DOCK10: variants seen among roughly 807,000 people sequenced by gnomAD.
DOCK10 encodes the protein dedicator of cytokinesis protein 10.
In DOCK10, 145 loss-of-function variants were observed where a neutral mutation model predicts 280.1. The ratio of observed to expected loss-of-function variants is 0.52; its 90% CI spans 0.45 to 0.59. The LOEUF is 0.59. Ranked by LOEUF, DOCK10 falls within the 20% of genes least tolerant of loss-of-function variation. DOCK10 has a pLI of 0.00. For missense variants in DOCK10, 2,368 were observed against 2,651.7 expected, an observed-to-expected ratio of 0.89 and a Z score of 2.35; for synonymous variants, 915 against 942.2, an observed-to-expected ratio of 0.97 and a Z score of 0.53.
intron 11 of DOCK10, among the ~76,000 whole-genome samples, chr2:224,865,853 T>TCACA (rs200332953): frequency 5.5e-5 from 8 of 145,654 alleles, no homozygotes; most frequent in African/African-American, 2.2e-4. Flanking sequence ...TCTCTCTCTC[T>TCACA]CTCACACACA....
intron 29 of DOCK10, among the ~76,000 whole-genome samples, chr2:224,819,098 G>T (rs1168137506): frequency 1.3e-5 from 2 of 152,216 alleles, no homozygotes; most frequent in Admixed American, 6.5e-5. Flanking sequence ...GTCCCATTTT[G>T]CCCAGGACTT....
At chr2:224,905,465 G>T (rs1700567578) in intron 3 of DOCK10, among the ~76,000 whole-genome samples, 2 of 151,556 alleles carry the variant, frequency 1.3e-5, no homozygotes, top group African/African-American at 4.9e-5. Context: ...TAGCCAGGAT[G>T]GTCTCGATCT....
chr2:224,984,247 G>A (rs1705897482), intron 1 of DOCK10, among the ~76,000 whole-genome samples: 3 of 152,368 alleles, frequency 2.0e-5, no homozygotes, highest in African/African-American at 7.2e-5. Context: ...AGAAACTGGA[G>A]AGAGAAGACA....
At chr2:224,976,745 G>A (rs1048221823) in intron 1 of DOCK10, among the ~76,000 whole-genome samples, 14 of 151,622 alleles carry the variant, frequency 9.2e-5, no homozygotes, top group Non-Finnish European at 1.6e-4. Flanking sequence ...ACAGGGGTCA[G>A]TAAGCATTTT....
intron 1 of DOCK10, among the ~76,000 whole-genome samples, chr2:224,967,290 CAGG>C (rs201221092): frequency 0.017 from 2,527 of 152,210 alleles, 66 homozygotes; most frequent in African/African-American, 0.056. Flanking sequence ...CCGTGTTAGT[CAGG>C]ATGGTCTTTA....
chr2:225,041,884 C>G (rs934529962), intron 1 of DOCK10, among the ~76,000 whole-genome samples: 1 of 152,172 alleles, frequency 6.6e-6, no homozygotes, highest in African/African-American at 2.4e-5. Context: ...GTAGATCCCC[C>G]CACCCCACCC....
intron 5 of DOCK10, 100 bp from the exon 6 acceptor site, chr2:224,886,285 T>A (rs957123060): frequency 6.5e-7 from 1 of 1,542,878 alleles, no homozygotes; most frequent in African/African-American, 1.4e-5. Context: ...CTTTGACTCA[T>A]CTTAAATAAG....
At chr2:224,988,500 G>A (rs1425845385) in intron 1 of DOCK10, among the ~76,000 whole-genome samples, 3 of 152,194 alleles carry the variant, frequency 2.0e-5, no homozygotes, top group African/African-American at 7.2e-5. Context: ...GCAGTGCTGT[G>A]ATCATCCCTG....
intron 14 of DOCK10, among the ~76,000 whole-genome samples, chr2:224,858,642 G>T (rs923215176): frequency 2.0e-5 from 3 of 152,196 alleles, no homozygotes; most frequent in African/African-American, 7.2e-5. Context: ...GACAGAGCGA[G>T]ACTCCGTCTC....
chr2:225,014,081 A>ATATATT (rs776104946), intron 1 of DOCK10, among the ~76,000 whole-genome samples: 18,950 of 94,514 alleles, frequency 0.2, 2,498 homozygotes, highest in Non-Finnish European at 0.27. Flanking sequence ...GTCTGAATAT[A>ATATATT]TTGTTTTTTT....
chr2:224,880,010 T>C (rs1206464650), intron 7 of DOCK10, among the ~76,000 whole-genome samples: 36 of 152,154 alleles, frequency 2.4e-4, no homozygotes. Context: ...AAATTAAAGG[T>C]GGATTGAGTT....
rs1369632778 is a variant in DOCK10 at position 224,796,368 on chromosome 2, T to C, written c.4886A>G (p.Gln1629Arg). 6.4e-7 allele frequency: 1 copy of C among 1,574,672 alleles called. No homozygotes were observed. The highest frequency in any genetic ancestry group is 8.6e-7 in the Non-Finnish European group (1 of 1,158,798). ...ATTATTGGTAATTGCAAGCGAATGTTGAAACCGAGAGCCTCCAATCCCAGC... is the reference window on the plus strand; with the variant it reads ...ATTATTGGTAATTGCAAGCGAATGTCGAAACCGAGAGCCTCCAATCCCAGC... ...ADAGIGGSRF[Q>R]HSLAITNNFA... The change falls in exon 44 of 56, where the codon CAA (glutamine) becomes CGA (arginine). Residue 1629 changes from glutamine (Q) to arginine (R), a missense_variant. Transcript: ENST00000258390.
intron 26 of DOCK10, among the ~76,000 whole-genome samples, chr2:224,832,578 G>T (rs1045346276): frequency 1.3e-5 from 2 of 152,208 alleles, no homozygotes; most frequent in Non-Finnish European, 2.9e-5. Context: ...TTAGTAAGAA[G>T]AAATGGAAAT....
chr2:224,988,618 A>G (rs773118372), intron 1 of DOCK10, among the ~76,000 whole-genome samples: 3 of 152,202 alleles, frequency 2.0e-5, no homozygotes, highest in Admixed American at 6.5e-5. Context: ...GGCAGGCGGT[A>G]GTGAGGCAAC....
rs1409447105 is a variant in DOCK10 at position 224,807,734 on chromosome 2, G to A, written c.3636C>T (p.Leu1212=). 3 of 1,573,892 alleles carry A rather than the reference G, an allele frequency of 1.9e-6. No homozygotes were observed. The highest frequency in any genetic ancestry group is 2.6e-6 in the Non-Finnish European group (3 of 1,158,204). The change falls in exon 33 of 56, where the codon CTC becomes CTT. Residue 1212 remains leucine, a synonymous_variant. Coordinates refer to ENST00000258390, the MANE Select transcript of DOCK10 (RefSeq NM_014689.3). ...ASLYMPLYGM[L]LDNMPRIYLK... ...GATAAATCCTTGGCATATTGTCCAG[G>A]AGCATGCCGTACAGGGGCATGTATA...
At chr2:225,034,917 C>G (rs139355479) in intron 1 of DOCK10, among the ~76,000 whole-genome samples, 2 of 152,118 alleles carry the variant, frequency 1.3e-5, no homozygotes, top group African/African-American at 4.8e-5. Context: ...AGGGTATGAA[C>G]TCTCACCCTC....
At chr2:224,976,062 T>A (rs1360651916) in intron 1 of DOCK10, among the ~76,000 whole-genome samples, 1 of 152,200 alleles carries the variant, frequency 6.6e-6, no homozygotes, top group Non-Finnish European at 1.5e-5. Flanking sequence ...CATGTGAGCC[T>A]GCCGACCTGC....
At chr2:224,928,264 CA>C (rs1454302021) in intron 2 of DOCK10, among the ~76,000 whole-genome samples, 3 of 135,706 alleles carry the variant, frequency 2.2e-5, no homozygotes, top group Non-Finnish European at 5.0e-5. Flanking sequence ...TGTAAAGCGT[CA>C]AAGAATAAAT....
chr2:225,004,838 A>C (rs1156892824), intron 1 of DOCK10, among the ~76,000 whole-genome samples: 1 of 152,218 alleles, frequency 6.6e-6, no homozygotes, highest in Non-Finnish European at 1.5e-5. Flanking sequence ...GTCCATCAGC[A>C]ATTCAGTCCA....
Sources: allele counts gnomAD v4.1 joint callset (sites outside exome capture counted in the v4.1 genomes callset), GRCh38; gene constraint gnomAD v4.1.1; transcripts MANE v1.5; gene names NCBI Gene and HGNC (gene_info 2026-07-23, HGNC 2026-07-21).